MYOCOS: variants seen among roughly 807,000 people sequenced by gnomAD.
MYOCOS encodes myocilin opposite strand protein.
chr1:171,602,640 A>G (rs183551541), intron 1 of MYOCOS, among the ~76,000 whole-genome samples: 170 of 152,324 alleles, frequency 1.1e-3, no homozygotes, highest in African/African-American at 3.8e-3. Context: ...AACATAAAAA[A>G]TTAGATAAAT....
upstream of MYOCOS, among the ~76,000 whole-genome samples, chr1:171,620,718 A>T (rs1296385901): frequency 6.6e-6 from 1 of 151,342 alleles, no homozygotes; most frequent in African/African-American, 2.4e-5. Flanking sequence ...CCTCCACTGC[A>T]CTTTGAGTTG....
chr1:171,614,830 A>T (rs765420361), exon 2 of MYOCOS: 1 of 152,254 alleles, frequency 6.6e-6, no homozygotes, highest in Non-Finnish European at 1.5e-5. Flanking sequence ...CGCTGTGCAG[A>T]CAACACTGAG....
At chr1:171,603,368 C>A (rs1425905313) in intron 1 of MYOCOS, among the ~76,000 whole-genome samples, 1 of 152,176 alleles carries the variant, frequency 6.6e-6, no homozygotes, top group Admixed American at 6.5e-5. Context: ...TTGGCTATCC[C>A]TTTCACCCTG....
At chr1:171,624,871 A>G (rs1356244235) in intron 2 of MYOCOS, among the ~76,000 whole-genome samples, 2 of 152,154 alleles carry the variant, frequency 1.3e-5, no homozygotes, top group African/African-American at 4.8e-5. Context: ...GATGAGAGCC[A>G]CTGTGCCTGG....
chr1:171,615,150 A>T (rs571842400), intron 2 of MYOCOS: 2 of 152,256 alleles, frequency 1.3e-5, no homozygotes, highest in Non-Finnish European at 2.9e-5. Flanking sequence ...GAGTGGTAAC[A>T]TGACATGTTT....
intron 1 of MYOCOS, among the ~76,000 whole-genome samples, chr1:171,611,811 A>C (rs1019187465): frequency 6.6e-6 from 1 of 152,150 alleles, no homozygotes; most frequent in Non-Finnish European, 1.5e-5. Flanking sequence ...TACAAGGTGC[A>C]ATATTTTGTC....
At chr1:171,608,712 C>T (rs190210968) in intron 1 of MYOCOS, among the ~76,000 whole-genome samples, 6 of 152,252 alleles carry the variant, frequency 3.9e-5, no homozygotes, top group South Asian at 2.1e-4. Flanking sequence ...TGAGCCACCA[C>T]GCCCGGCTAG....
At chr1:171,612,320 C>G (rs1652370667) in intron 1 of MYOCOS, among the ~76,000 whole-genome samples, 1 of 151,070 alleles carries the variant, frequency 6.6e-6, no homozygotes, top group Non-Finnish European at 1.5e-5. Flanking sequence ...CTCAGATGAT[C>G]CAACTGCCTA....
intron 1 of MYOCOS, among the ~76,000 whole-genome samples, chr1:171,609,589 C>T (rs1321777240): frequency 6.6e-6 from 1 of 152,134 alleles, no homozygotes; most frequent in Non-Finnish European, 1.5e-5. Flanking sequence ...GAAGGGCAAC[C>T]TATTATTATC....
upstream of MYOCOS, among the ~76,000 whole-genome samples, chr1:171,618,964 T>A (rs1319915987): frequency 6.6e-6 from 1 of 152,186 alleles, no homozygotes; most frequent in Admixed American, 6.5e-5. Flanking sequence ...CCCCTATCGT[T>A]TGAGATAATT....
chr1:171,623,288 CA>C (rs1652610442), intron 1 of MYOCOS, among the ~76,000 whole-genome samples: 2 of 152,176 alleles, frequency 1.3e-5, no homozygotes, highest in Non-Finnish European at 2.9e-5. Flanking sequence ...TTATCAAAAT[CA>C]ACCCTCCAGT....
intron 1 of MYOCOS, among the ~76,000 whole-genome samples, chr1:171,607,424 G>T (rs1652270202): frequency 6.6e-6 from 1 of 152,156 alleles, no homozygotes; most frequent in Non-Finnish European, 1.5e-5. Context: ...TATGCTGAGA[G>T]GTCCTAGAGT....
upstream of MYOCOS, among the ~76,000 whole-genome samples, chr1:171,618,559 T>TTTTGTTTGTTTG (rs138926013): frequency 1.5e-4 from 22 of 150,734 alleles, no homozygotes; most frequent in South Asian, 3.4e-3. Context: ...ACTATCTCCT[T>TTTTGTTTGTTTG]TTTGTTTGTT....
chr1:171,612,076 CT>C (rs1279833622), intron 1 of MYOCOS, among the ~76,000 whole-genome samples: 1 of 151,866 alleles, frequency 6.6e-6, no homozygotes, highest in East Asian at 1.9e-4. Flanking sequence ...CTTTTCTTTT[CT>C]TTTCTTTTCT....
upstream of MYOCOS, among the ~76,000 whole-genome samples, chr1:171,620,100 A>AAT (rs145267992): frequency 1.1e-3 from 159 of 146,098 alleles, no homozygotes; most frequent in Admixed American, 4.2e-3. Context: ...CTATATATAA[A>AAT]ATATATATAT....
At chr1:171,607,596 T>G (rs1652275741) in intron 1 of MYOCOS, among the ~76,000 whole-genome samples, 1 of 152,222 alleles carries the variant, frequency 6.6e-6, no homozygotes, top group South Asian at 2.1e-4. Flanking sequence ...CCTTTCTTAT[T>G]CTATGATTTC....
intron 1 of MYOCOS, among the ~76,000 whole-genome samples, chr1:171,608,091 T>C (rs958163836): frequency 1.3e-5 from 2 of 152,136 alleles, no homozygotes; most frequent in Admixed American, 1.3e-4. Flanking sequence ...GCCCTTATGA[T>C]TCAATTATCT....
chr1:171,604,904 C>T (rs1652216099), intron 1 of MYOCOS, among the ~76,000 whole-genome samples: 2 of 152,080 alleles, frequency 1.3e-5, no homozygotes, highest in Admixed American at 6.6e-5. Context: ...ATCACAAACC[C>T]CTCAGACCCA....
chr1:171,612,153 T>G (rs1652366632), intron 1 of MYOCOS, among the ~76,000 whole-genome samples: 1 of 152,140 alleles, frequency 6.6e-6, no homozygotes, highest in Admixed American at 6.6e-5. Flanking sequence ...CTCGGCTCAC[T>G]GCAACCTCTG....
Sources: gnomAD v4.1 joint callset for allele counts (sites outside exome capture counted in the v4.1 genomes callset) on GRCh38, gnomAD v4.1.1 for gene constraint, MANE v1.5 for transcripts, NCBI Gene and HGNC (gene_info 2026-07-23, HGNC 2026-07-21) for gene names.